ZNF846: variants seen among roughly 807,000 people sequenced by gnomAD.
ZNF846 encodes zinc finger protein 846.
A neutral mutation model predicts 16.0 loss-of-function variants in ZNF846; 15 were observed. That is an observed-to-expected ratio of 0.94 (90% CI 0.63 to 1.45). The LOEUF (loss-of-function observed/expected upper bound fraction) is 1.45, where lower values mean the gene tolerates loss of function less well. ZNF846 is among the 40% of genes most tolerant of loss of function. ZNF846 has a pLI of 0.00. For missense variants in ZNF846, 714 were observed against 622.3 expected (o/e 1.15, Z -1.57); for synonymous variants, 229 against 212.0 (o/e 1.08, Z -0.70).
chr19:9,777,843 C>G (rs1555714404), intron 1 of ZNF846, among the ~76,000 whole-genome samples: 4 of 149,956 alleles, frequency 2.7e-5, no homozygotes, highest in African/African-American at 7.3e-5. Context: ...CTAAAAAATA[C>G]AAAAAAAAAG....
chr19:9,758,730 G>C lies in ZNF846; in HGVS notation c.347C>G (p.Ser116Cys), dbSNP rs758767895. Residue 116 changes from serine (S) to cysteine (C), a missense_variant, in exon 6 of 6, where the codon TCT (serine) becomes TGT (cysteine). Ser to Cys is a moderately radical substitution (Grantham distance 112). Coordinates refer to ENST00000397902, the Ensembl canonical transcript of ZNF846. ...ATTGAAGACTTTTCCAGAATGGTTA[G>C]AGTCATACAGTTTCTCTGCAGTATT... The C allele has an allele frequency of 1.6e-5, 26 of 1,588,278 alleles. 1 individual carries two copies. The African/African-American group carries it at 2.6e-4, about 16-fold the overall frequency.
intron 1 of ZNF846, among the ~76,000 whole-genome samples, chr19:9,782,657 G>A (rs1341091852): frequency 6.6e-6 from 1 of 152,188 alleles, no homozygotes; most frequent in Non-Finnish European, 1.5e-5. Flanking sequence ...GGGGAAGAAA[G>A]CCAACTAAAT....
downstream of ZNF846, among the ~76,000 whole-genome samples, chr19:9,754,865 A>AT (rs143571914): frequency 0.023 from 3,390 of 144,298 alleles, 204 homozygotes; most frequent in African/African-American, 0.083. Flanking sequence ...TACCATGGGG[A>AT]TTTTTTTTTC....
chr19:9,780,610 C>T (rs1055290190), intron 1 of ZNF846, among the ~76,000 whole-genome samples: 3 of 152,034 alleles, frequency 2.0e-5, no homozygotes, highest in Non-Finnish European at 2.9e-5. Context: ...CCATCATGCC[C>T]GGCTAATTTT....
intron 4 of ZNF846, among the ~76,000 whole-genome samples, chr19:9,761,710 CAA>C (rs56126532): frequency 2.7e-5 from 3 of 110,252 alleles, no homozygotes; most frequent in African/African-American, 3.3e-5. Flanking sequence ...GACTCCATCT[CAA>C]AAAAAAAAAA....
chr19:9,784,400 T>C (rs1410385198), intron 1 of ZNF846, among the ~76,000 whole-genome samples: 1 of 152,182 alleles, frequency 6.6e-6, no homozygotes, highest in Non-Finnish European at 1.5e-5. Flanking sequence ...AGATTTATGT[T>C]TCACTTTACA....
downstream of ZNF846, among the ~76,000 whole-genome samples, chr19:9,755,340 C>T (rs1010881900): frequency 1.3e-5 from 2 of 151,560 alleles, no homozygotes; most frequent in Non-Finnish European, 2.9e-5. Flanking sequence ...GACAGTAAGA[C>T]ACATAGAAAG....
chr19:9,762,969 C>A (rs905381318), intron 3 of ZNF846, among the ~76,000 whole-genome samples: 1 of 152,074 alleles, frequency 6.6e-6, no homozygotes, highest in Non-Finnish European at 1.5e-5. Flanking sequence ...CATGGTGAAA[C>A]CCTGTCTCCA....
intron 1 of ZNF846, among the ~76,000 whole-genome samples, chr19:9,783,404 A>G (rs2045522604): frequency 6.7e-6 from 1 of 148,346 alleles, no homozygotes; most frequent in African/African-American, 2.5e-5. Flanking sequence ...CTAATTTTGT[A>G]TTTTTAGTAG....
chr19:9,760,237 G>C (rs2045203033), intron 4 of ZNF846, among the ~76,000 whole-genome samples: 1 of 151,002 alleles, frequency 6.6e-6, no homozygotes, highest in Non-Finnish European at 1.5e-5. Flanking sequence ...AGGTTGCGGT[G>C]AGGTGAGATC....
At chr19:9,764,319 T>C (rs2045279733) in intron 2 of ZNF846, among the ~76,000 whole-genome samples, 1 of 152,236 alleles carries the variant, frequency 6.6e-6, no homozygotes, top group South Asian at 2.1e-4. Context: ...CAATTGTTAC[T>C]GCTGATTAAT....
chr19:9,758,100 A>G (rs370638594), exon 6 of ZNF846: 5 of 1,613,532 alleles, frequency 3.1e-6, no homozygotes, highest in East Asian at 2.2e-5. Context: ...CATGTGTAAA[A>G]TAAGTCCTGT....
At chr19:9,768,532 G>A (rs2045355281) in exon 1 of ZNF846, 1 of 152,270 alleles carries the variant, frequency 6.6e-6, no homozygotes, top group South Asian at 2.1e-4. Flanking sequence ...CCGCCTCGGG[G>A]TCCTGGCGGG....
chr19:9,752,669 T>G (rs2045095648), downstream of ZNF846, among the ~76,000 whole-genome samples: 1 of 151,800 alleles, frequency 6.6e-6, no homozygotes, highest in Admixed American at 6.6e-5. Flanking sequence ...TTCCCTTTTT[T>G]TTTTTTCTAT....
intron 1 of ZNF846, among the ~76,000 whole-genome samples, chr19:9,783,359 T>C (rs1368532309): frequency 3.4e-5 from 5 of 147,502 alleles, no homozygotes; most frequent in Admixed American, 6.9e-5. Context: ...GCCTCCCTAG[T>C]AGCTGGGATT....
chr19:9,753,219 A>AATTTATTT (rs57885198), downstream of ZNF846, among the ~76,000 whole-genome samples: 13,915 of 134,340 alleles, frequency 0.1, 943 homozygotes, highest in African/African-American at 0.16. Flanking sequence ...GAGGAGACAA[A>AATTTATTT]ATTTATTTAT....
downstream of ZNF846, among the ~76,000 whole-genome samples, chr19:9,754,304 C>T (rs1028865050): frequency 2.0e-5 from 3 of 151,466 alleles, no homozygotes; most frequent in African/African-American, 4.9e-5. Flanking sequence ...ATGGCTCATG[C>T]CTGTAATCCT....
At chr19:9,766,726 C>A (rs147047408) in intron 1 of ZNF846, among the ~76,000 whole-genome samples, 1 of 151,060 alleles carries the variant, frequency 6.6e-6, no homozygotes, top group African/African-American at 2.4e-5. Context: ...ATGGTGAAAC[C>A]CCATCTCTAC....
At chr19:9,780,278 A>G (rs1254998597) in intron 1 of ZNF846, among the ~76,000 whole-genome samples, 2 of 151,714 alleles carry the variant, frequency 1.3e-5, no homozygotes, top group African/African-American at 2.4e-5. Flanking sequence ...GATCATGTAC[A>G]CTGCAGCTTA....
Sources: gnomAD v4.1 joint callset for allele counts (sites outside exome capture counted in the v4.1 genomes callset) on GRCh38, gnomAD v4.1.1 for gene constraint, MANE v1.5 for transcripts, NCBI Gene and HGNC (gene_info 2026-07-23, HGNC 2026-07-21) for gene names.